SLIT3: variants seen among roughly 807,000 people sequenced by gnomAD.
The protein encoded by SLIT3 is slit guidance ligand 3.
SLIT3 carries 68 observed loss-of-function variants against 184.0 expected under a neutral mutation model. The observed-to-expected ratio is 0.37, with a 90% confidence interval of 0.30 to 0.45. The LOEUF (loss-of-function observed/expected upper bound fraction) is 0.45, where lower values mean the gene tolerates loss of function less well. Among genes scored for constraint, SLIT3 ranks in the 20% least tolerant of loss-of-function variants. SLIT3 has a pLI of 1.00. For missense variants in SLIT3, 1,707 were observed against 2,026.0 expected (o/e 0.84, Z 3.02); for synonymous variants, 831 against 828.6 (o/e 1.00, Z -0.05).
At chr5:169,069,688 A>T (rs562910269) in intron 4 of SLIT3, among the ~76,000 whole-genome samples, 1 of 152,184 alleles carries the variant, frequency 6.6e-6, no homozygotes, top group African/African-American at 2.4e-5. Flanking sequence ...CCCACTGGGG[A>T]TCACCAAGAG....
At position 169,208,545 on chromosome 5, in the gene SLIT3, C is replaced by T. The variant is rs533799724; in HGVS notation, c.342-14995G>A. Among the ~76,000 whole-genome samples the T allele has an allele frequency of 3.3e-5, 5 of 152,312 alleles. No homozygotes were observed. In the South Asian group the frequency reaches 8.3e-4, roughly 25 times the overall value. On this transcript the variant is annotated intron_variant, in intron 3 of 35. Coordinates refer to ENST00000519560, the MANE Select transcript of SLIT3 (RefSeq NM_003062.4). ...CCTGACTTCAAACTACACTAATAGGCTACAGTAACCAAAACAGCATGGTAC... is the reference window on the plus strand; with the variant it reads ...CCTGACTTCAAACTACACTAATAGGTTACAGTAACCAAAACAGCATGGTAC...
chr5:169,032,509 A>ATT (rs3072089), intron 4 of SLIT3, among the ~76,000 whole-genome samples: 148 of 145,360 alleles, frequency 1.0e-3, no homozygotes, highest in South Asian at 5.5e-3. Flanking sequence ...TGTGCCAGTC[A>ATT]TTTTTTTTTT....
intron 1 of SLIT3, among the ~76,000 whole-genome samples, chr5:169,272,981 A>C (rs1294663286): frequency 6.6e-6 from 1 of 152,120 alleles, no homozygotes; most frequent in Non-Finnish European, 1.5e-5. Flanking sequence ...CAGCCAGCTC[A>C]TGGGTCTCAA....
chr5:168,752,490 G>C (rs988071788), intron 18 of SLIT3: 3 of 154,908 alleles, frequency 1.9e-5, no homozygotes, highest in African/African-American at 4.9e-5. Context: ...CGCCTCCCGG[G>C]TTCCAGCAAC....
At chr5:168,746,958 TGTG>T (rs1754486944) in intron 20 of SLIT3, among the ~76,000 whole-genome samples, 1 of 129,372 alleles carries the variant, frequency 7.7e-6, no homozygotes, top group East Asian at 2.4e-4. Flanking sequence ...GTGGTGTGGG[TGTG>T]GTGGTGTGTG....
At chr5:169,073,652 G>A (rs1490858041) in intron 4 of SLIT3, among the ~76,000 whole-genome samples, 1 of 152,002 alleles carries the variant, frequency 6.6e-6, no homozygotes, top group African/African-American at 2.4e-5. Context: ...TATTCCCATG[G>A]TAATGGGTGA....
At chr5:168,741,437 T>C (rs13190386) in intron 20 of SLIT3, among the ~76,000 whole-genome samples, 5 of 135,466 alleles carry the variant, frequency 3.7e-5, no homozygotes, top group East Asian at 2.3e-4. Flanking sequence ...CACCACTGCA[T>C]TCCAGCACTC....
intron 32 of SLIT3, among the ~76,000 whole-genome samples, chr5:168,674,903 T>TTA (rs2113188217): frequency 6.6e-6 from 1 of 152,302 alleles, no homozygotes; most frequent in East Asian, 1.9e-4. Flanking sequence ...AGTGGTTCAC[T>TTA]TATTTGAACC....
intron 4 of SLIT3, among the ~76,000 whole-genome samples, chr5:169,011,651 A>G (rs545043847): frequency 1.3e-5 from 2 of 152,306 alleles, no homozygotes; most frequent in Admixed American, 6.5e-5. Context: ...CTGCTCTGTC[A>G]GAGCTCAGGG....
In SLIT3 at chr5:169,117,823, T is replaced by C. The variant is rs114667503; in HGVS notation, c.413+75656A>G. On this transcript the variant is annotated intron_variant, in intron 4 of 35. Coordinates refer to ENST00000519560, the MANE Select transcript of SLIT3 (RefSeq NM_003062.4). Reference sequence around the variant, plus strand: ...TATTGCCAATGAAGTCAGAAGTAGATTGAAGAAATTTGAAAACTCTAGGTT... The same window carrying C: ...TATTGCCAATGAAGTCAGAAGTAGACTGAAGAAATTTGAAAACTCTAGGTT... 5.2e-3 allele frequency among the ~76,000 whole-genome samples: 799 copies of C among 152,280 alleles called. 6 individuals are homozygous for C. Among genetic ancestry groups the C allele is most frequent in the African/African-American group, 0.018 (761 of 41,548 alleles).
chr5:169,291,535 C>T (rs554893043), intron 1 of SLIT3, among the ~76,000 whole-genome samples: 6 of 152,278 alleles, frequency 3.9e-5, no homozygotes, highest in African/African-American at 1.2e-4. Context: ...CCCATTTCTA[C>T]GCACAGGGAT....
intron 4 of SLIT3, among the ~76,000 whole-genome samples, chr5:169,035,544 G>A (rs1757208920): frequency 6.6e-6 from 1 of 151,734 alleles, no homozygotes; most frequent in Non-Finnish European, 1.5e-5. Context: ...AGCTGCTCGG[G>A]AGGCTGAGGC....
At chr5:169,129,026 G>T (rs754431382) in intron 4 of SLIT3, among the ~76,000 whole-genome samples, 33 of 152,136 alleles carry the variant, frequency 2.2e-4, no homozygotes, top group Non-Finnish European at 2.9e-4. Context: ...AAGACACTTG[G>T]AATTGGACTT....
At chr5:169,016,569 T>C (rs1756382648) in intron 4 of SLIT3, among the ~76,000 whole-genome samples, 2 of 152,202 alleles carry the variant, frequency 1.3e-5, no homozygotes, top group South Asian at 2.1e-4. Flanking sequence ...TAAAAACATA[T>C]AATACATGTA....
intron 20 of SLIT3, among the ~76,000 whole-genome samples, chr5:168,740,179 AAG>A (rs1264848467): frequency 1.3e-5 from 2 of 152,194 alleles, no homozygotes; most frequent in African/African-American, 2.4e-5. Flanking sequence ...GGGTCAGACA[AAG>A]AGGGCAACTG....
intron 12 of SLIT3, among the ~76,000 whole-genome samples, chr5:168,784,563 G>T (rs1269728701): frequency 6.6e-6 from 1 of 152,232 alleles, no homozygotes; most frequent in African/African-American, 2.4e-5. Context: ...ATTAGTGCGT[G>T]TTCTGGGAGA....
chr5:168,806,574 C>A lies in SLIT3; in HGVS notation c.807G>T (p.Glu269Asp). The A allele has an allele frequency of 2.5e-6, 4 of 1,614,110 alleles. No homozygotes were observed. The highest frequency in any genetic ancestry group is 3.4e-6 in the Non-Finnish European group (4 of 1,179,996). Residue 269 changes from glutamate to aspartate, a missense_variant, in exon 9 of 36, where the codon GAG (glutamate) becomes GAT (aspartate). This residue lies in a region of SLIT3 where 1,307 missense variants were observed against 1,511.6 expected (regional missense o/e 0.86). Transcript: ENST00000519560. ...TGGAGTTGGCATTGCAGGATGGGGG[C>A]TCCGAGTGGGGGGCTGTGGAGCCAA... Reference protein sequence around the residue: ...KEYVCPAPHSEPPSCNANSIS... With the variant: ...KEYVCPAPHSDPPSCNANSIS...
In SLIT3 at chr5:169,293,754, C is replaced by T. The variant is rs569385969; in HGVS notation, c.197+6759G>A. Among the ~76,000 whole-genome samples the T allele has an allele frequency of 3.9e-4, 60 of 152,292 alleles. No individual in the cohort carries two copies. The South Asian group carries it at 0.01, about 26-fold the overall frequency. On this transcript the variant is annotated intron_variant, in intron 1 of 35. Coordinates refer to ENST00000519560, the MANE Select transcript of SLIT3 (RefSeq NM_003062.4). ...CAGTACAGAAGGCTCTAATCATGCA[C>T]GCTTTGGCCAATTTTTTTCCAGGGT...
intron 4 of SLIT3, among the ~76,000 whole-genome samples, chr5:169,137,681 C>T (rs572925459): frequency 1.1e-4 from 16 of 152,102 alleles, no homozygotes; most frequent in Admixed American, 3.3e-4. Context: ...TGCCACATAG[C>T]GCCACAGAGA....
Sources: allele counts gnomAD v4.1 joint callset (sites outside exome capture counted in the v4.1 genomes callset), GRCh38; gene constraint gnomAD v4.1.1; regional missense constraint gnomAD v4.1.1; transcripts MANE v1.5; gene names NCBI Gene and HGNC (gene_info 2026-07-23, HGNC 2026-07-21).